The following ANKRD44 variants were observed in gnomAD, a reference collection of about 807,000 sequenced individuals.
ANKRD44 encodes the protein ankyrin repeat domain 44.
ANKRD44 carries 35 observed loss-of-function variants against 116.0 expected under a neutral mutation model. The observed-to-expected ratio is 0.30, with a 90% confidence interval of 0.23 to 0.40. The LOEUF (loss-of-function observed/expected upper bound fraction) is 0.40, where lower values mean the gene tolerates loss of function less well. Ranked by LOEUF, ANKRD44 falls within the 10% of genes least tolerant of loss-of-function variation. ANKRD44 has a pLI of 1.00. For synonymous variants in ANKRD44, 435 were observed against 461.8 expected, an observed-to-expected ratio of 0.94 and a Z score of 0.74; for missense variants, 1,014 against 1,242.6, an observed-to-expected ratio of 0.82 and a Z score of 2.77.
chr2:196,979,420 C>T (rs1359347277), intron 21 of ANKRD44, among the ~76,000 whole-genome samples: 1 of 147,612 alleles, frequency 6.8e-6, no homozygotes, highest in African/African-American at 2.5e-5. Context: ...TGAATAGCAT[C>T]TACTTTCTAG....
At chr2:197,075,087 T>C (rs1420643917) in intron 16 of ANKRD44, among the ~76,000 whole-genome samples, 1 of 152,122 alleles carries the variant, frequency 6.6e-6, no homozygotes, top group Non-Finnish European at 1.5e-5. Context: ...TTCCAAGTGA[T>C]TTGGCATGAA....
At chr2:197,139,829 AG>A (rs1474674815) in intron 3 of ANKRD44, among the ~76,000 whole-genome samples, 2 of 136,698 alleles carry the variant, frequency 1.5e-5, no homozygotes, top group Admixed American at 7.3e-5. Flanking sequence ...ATAATGGGGG[AG>A]GGGGGACTAA....
intron 19 of ANKRD44, among the ~76,000 whole-genome samples, 189 bp downstream of exon 19, chr2:197,008,755 C>A (rs1250965725): frequency 3.3e-5 from 5 of 152,056 alleles, no homozygotes; most frequent in Admixed American, 1.3e-4. Context: ...ATGTGCACAC[C>A]CACTCCTTCA....
chr2:197,078,433 A>G, intron 16 of ANKRD44: 1 of 796,182 alleles, frequency 1.3e-6, no homozygotes, highest in Non-Finnish European at 1.8e-6. Context: ...GTTAGGAGGC[A>G]GAAATGGTAC....
chr2:197,058,991 CTTAAAT>C (rs2077257189), intron 16 of ANKRD44, among the ~76,000 whole-genome samples: 1 of 150,576 alleles, frequency 6.6e-6, no homozygotes, highest in African/African-American at 2.4e-5. Context: ...GAGAGCTATT[CTTAAAT>C]TTAAGAGTTA....
chr2:197,090,117 T>G (rs1427678471), intron 10 of ANKRD44, 85 bp from the exon 11 acceptor site: 6 of 1,081,952 alleles, frequency 5.5e-6, no homozygotes, highest in Non-Finnish European at 8.4e-6. Flanking sequence ...GATTCTCTGA[T>G]GAAAATTAAC....
chr2:197,061,651 G>C (rs1399495145), intron 16 of ANKRD44, among the ~76,000 whole-genome samples: 1 of 152,176 alleles, frequency 6.6e-6, no homozygotes, highest in Non-Finnish European at 1.5e-5. Context: ...AGAAATAACT[G>C]GGGAGTAGTT....
In ANKRD44 at chr2:197,310,574, C is replaced by A. The variant is rs546760128; in HGVS notation, c.27+4G>T. ...TCCCGCCCGCCGGCGCCGCCGCCCG[C>A]TACCTGGTCGGTGAGTTTGAGCACT... On this transcript the variant is annotated splice_donor_region_variant and intron_variant, in intron 1 of 27. Coordinates refer to ENST00000282272, the MANE Select transcript of ANKRD44 (RefSeq NM_001195144.2). The A allele has an allele frequency of 3.1e-5, 38 of 1,236,476 alleles. No individual in the cohort carries two copies. The East Asian group carries it at 6.4e-4, about 21-fold the overall frequency. The allele number at this position is 1,236,476 out of a possible 1,614,324, so 76.6% of individuals were successfully genotyped here. A position where few individuals can be genotyped will look rare whatever the true frequency, so the allele number is the denominator to read the frequency against.
intron 16 of ANKRD44, among the ~76,000 whole-genome samples, chr2:197,043,576 CAA>C (rs1268511607): frequency 6.6e-6 from 1 of 151,972 alleles, no homozygotes; most frequent in Admixed American, 6.6e-5. Flanking sequence ...TAAATATTGA[CAA>C]AGTTTTGTTT....
At chr2:196,974,111 C>T (rs2075739805) in intron 21 of ANKRD44, among the ~76,000 whole-genome samples, 1 of 151,312 alleles carries the variant, frequency 6.6e-6, no homozygotes, top group Non-Finnish European at 1.5e-5. Flanking sequence ...GAGACAGCCT[C>T]TTGCTCTGTT....
intron 1 of ANKRD44, among the ~76,000 whole-genome samples, chr2:197,221,845 C>CA (rs1426180969): frequency 6.6e-6 from 1 of 152,172 alleles, no homozygotes; most frequent in Non-Finnish European, 1.5e-5. Flanking sequence ...CACAAAAAGT[C>CA]AGAGAGGCAA....
intron 16 of ANKRD44, among the ~76,000 whole-genome samples, chr2:197,032,189 A>C (rs542747256): frequency 6.6e-6 from 1 of 152,278 alleles, no homozygotes; most frequent in South Asian, 2.1e-4. Flanking sequence ...TCATGATCAG[A>C]TTCTTGAGTT....
intron 10 of ANKRD44, among the ~76,000 whole-genome samples, chr2:197,096,927 T>C (rs181138585): frequency 4.0e-5 from 6 of 149,160 alleles, no homozygotes; most frequent in East Asian, 2.2e-4. Context: ...TAAGGAACCA[T>C]TGTCACTGAA....
At chr2:197,056,159 T>G (rs979312841) in intron 16 of ANKRD44, among the ~76,000 whole-genome samples, 1 of 152,172 alleles carries the variant, frequency 6.6e-6, no homozygotes, top group African/African-American at 2.4e-5. Context: ...ACTATAGTTT[T>G]GTAACAGATT....
chr2:197,094,685 T>C (rs1310719648), intron 10 of ANKRD44, among the ~76,000 whole-genome samples: 1 of 152,240 alleles, frequency 6.6e-6, no homozygotes, highest in African/African-American at 2.4e-5. Flanking sequence ...CAAAAACATT[T>C]CTTAAATTTA....
chr2:196,971,467 G>A (rs769214873), intron 21 of ANKRD44, among the ~76,000 whole-genome samples: 1 of 151,966 alleles, frequency 6.6e-6, no homozygotes, highest in Admixed American at 6.5e-5. Flanking sequence ...AGTGATTCTC[G>A]TGCCTTAGTC....
intron 1 of ANKRD44, among the ~76,000 whole-genome samples, chr2:197,295,545 GCCATATGTGT>G (rs1448169916): frequency 6.6e-6 from 1 of 152,146 alleles, no homozygotes; most frequent in Non-Finnish European, 1.5e-5. Context: ...CAGGCAGCAG[GCCATATGTGT>G]CCTGTGGATA....
intron 1 of ANKRD44, among the ~76,000 whole-genome samples, chr2:197,197,006 A>T (rs1025370637): frequency 1.3e-5 from 2 of 152,102 alleles, no homozygotes; most frequent in African/African-American, 4.8e-5. Flanking sequence ...AACCATTCTA[A>T]AATTGTTATA....
intron 1 of ANKRD44, among the ~76,000 whole-genome samples, chr2:197,228,209 T>G (rs1275194038): frequency 6.6e-6 from 1 of 152,230 alleles, no homozygotes; most frequent in Non-Finnish European, 1.5e-5. Context: ...GGCTGGCATA[T>G]AGTAAGTGCT....
Sources: allele counts gnomAD v4.1 joint callset (sites outside exome capture counted in the v4.1 genomes callset), GRCh38; gene constraint gnomAD v4.1.1; transcripts MANE v1.5; gene names NCBI Gene and HGNC (gene_info 2026-07-23, HGNC 2026-07-21).